Variants in NFIB observed in about 807,000 individuals in gnomAD.
NFIB encodes nuclear factor I B.
NFIB carries 11 observed loss-of-function variants against 61.5 expected under a neutral mutation model. The ratio of observed to expected loss-of-function variants is 0.18; its 90% confidence interval spans 0.11 to 0.30. The LOEUF (loss-of-function observed/expected upper bound fraction) is 0.30, where lower values mean the gene tolerates loss of function less well. NFIB is among the 10% of genes least tolerant of loss of function. The pLI is 1.00. For synonymous variants in NFIB, 260 were observed against 216.5 expected (o/e 1.20, Z -1.76); for missense variants, 471 against 608.9 (o/e 0.77, Z 2.38).
Position 14,082,955 on chromosome 9 carries a change from A to C in NFIB, c.*5354T>G, listed in dbSNP as rs547693210. On this transcript the variant is annotated 3_prime_UTR_variant, in exon 11 of 11. Coordinates refer to ENST00000380953, the MANE Select transcript of NFIB (RefSeq NM_001190737.2). Reference sequence around the variant, plus strand: ...GGCCACCTGTTGTTCCTGGTACTGTATCATGCAATAAGTCATCAAGGGCTT... The same window carrying C: ...GGCCACCTGTTGTTCCTGGTACTGTCTCATGCAATAAGTCATCAAGGGCTT... 2.4e-4 allele frequency: 50 copies of C among 206,712 alleles called. No homozygotes were observed. Among genetic ancestry groups the C allele is most frequent in the Non-Finnish European group, 4.8e-4 (49 of 101,096 alleles). The allele number at this position is 206,712 out of a possible 1,614,324, so 12.8% of individuals were successfully genotyped here. A position where few individuals can be genotyped will look rare whatever the true frequency, so the allele number is the denominator to read the frequency against.
At chr9:14,495,215 C>G in the NFIB span, among the ~76,000 whole-genome samples, 2 of 152,248 alleles carry the variant, frequency 1.3e-5, no homozygotes, top group Admixed American at 6.5e-5. Context: ...GTCACCCTCA[C>G]ACGTAGACCT....
chr9:14,158,224 C>T (rs528969559), intron 3 of NFIB, among the ~76,000 whole-genome samples: 1 of 152,174 alleles, frequency 6.6e-6, no homozygotes, highest in Non-Finnish European at 1.5e-5. Context: ...CCCAATTGTA[C>T]TTTGTAAATG....
At chr9:14,224,410 G>A (rs567897806) in intron 2 of NFIB, among the ~76,000 whole-genome samples, 12 of 152,262 alleles carry the variant, frequency 7.9e-5, no homozygotes, top group African/African-American at 2.9e-4. Context: ...AAGGTGTAGA[G>A]GATCACAGTT....
chr9:14,315,266 C>T (rs978165590), upstream of NFIB, among the ~76,000 whole-genome samples: 26 of 151,592 alleles, frequency 1.7e-4, no homozygotes, highest in Admixed American at 1.4e-3. Flanking sequence ...GAGGCAGTCG[C>T]GGCGCGCGGC....
Position 14,375,381 on chromosome 9 carries a change from G to A in NFIB, c.108+23143C>T, listed in dbSNP as rs1210532656. ...CCAGAAGTACCTGGGGACAGGGCCA[G>A]GTGCAGTGGCTCATGCCTGTAATCC... On this transcript the variant is annotated intron_variant, in intron 1 of 8. Transcript: ENST00000380934. Among the ~76,000 whole-genome samples, 3 of 152,220 alleles carry A rather than the reference G, an allele frequency of 2.0e-5. No homozygotes were observed. The East Asian group carries it at 5.8e-4, about 29-fold the overall frequency.
chr9:14,416,935 C>T, the NFIB span, among the ~76,000 whole-genome samples: 1 of 149,810 alleles, frequency 6.7e-6, no homozygotes, highest in Non-Finnish European at 1.5e-5. Flanking sequence ...CCCTGTTGCC[C>T]AGGCTGGAGT....
chr9:14,352,275 G>A (rs1419692448), intron 1 of NFIB, among the ~76,000 whole-genome samples: 1 of 151,296 alleles, frequency 6.6e-6, no homozygotes, highest in Non-Finnish European at 1.5e-5. Flanking sequence ...TTTTTTTGGT[G>A]ATGTATTTGT....
intron 1 of NFIB, among the ~76,000 whole-genome samples, chr9:14,372,179 A>G (rs2061365822): frequency 6.6e-6 from 1 of 152,120 alleles, no homozygotes; most frequent in Admixed American, 6.5e-5. Context: ...AGAAAATGAA[A>G]TAAAAATAGA....
the NFIB span, among the ~76,000 whole-genome samples, chr9:14,474,204 T>G: frequency 6.6e-6 from 1 of 151,892 alleles, no homozygotes; most frequent in Non-Finnish European, 1.5e-5. Context: ...AGAAATGTAT[T>G]TATCATAGTT....
At position 14,083,306 on chromosome 9, in the gene NFIB, G is replaced by A; in HGVS notation, c.*5003C>T. 1 of 226,058 alleles carries A rather than the reference G, an allele frequency of 4.4e-6. No homozygotes were observed. The highest frequency in any genetic ancestry group is 8.8e-6 in the Non-Finnish European group (1 of 113,254). The allele number at this position is 226,058 out of a possible 1,614,324, so 14.0% of individuals were successfully genotyped here. A position where few individuals can be genotyped will look rare whatever the true frequency, so the allele number is the denominator to read the frequency against. ...TCAAAGGGCAAAATCAGTGGTCCAT[G>A]TTACCCCCCAACTGCAGGGCTCCAC... On this transcript the variant is annotated 3_prime_UTR_variant, in exon 11 of 11. Coordinates refer to ENST00000380953, the MANE Select transcript of NFIB (RefSeq NM_001190737.2).
intron 1 of NFIB, among the ~76,000 whole-genome samples, chr9:14,395,656 T>C (rs1029203921): frequency 6.6e-6 from 1 of 151,428 alleles, no homozygotes; most frequent in Non-Finnish European, 1.5e-5. Context: ...GTGGTTGCCT[T>C]GCCACGCTAA....
At chr9:14,194,232 A>G (rs2048250426) in intron 2 of NFIB, among the ~76,000 whole-genome samples, 1 of 152,244 alleles carries the variant, frequency 6.6e-6, no homozygotes, top group Admixed American at 6.5e-5. Flanking sequence ...GTGGCCATGA[A>G]GTAAGTCTAG....
At chr9:14,273,099 T>C (rs1264120221) in intron 2 of NFIB, among the ~76,000 whole-genome samples, 1 of 152,158 alleles carries the variant, frequency 6.6e-6, no homozygotes, top group Non-Finnish European at 1.5e-5. Flanking sequence ...GATCACTCAT[T>C]AACGAGCCAG....
chr9:14,324,129 T>C (rs1054698282), intron 1 of NFIB, among the ~76,000 whole-genome samples: 1 of 152,190 alleles, frequency 6.6e-6, no homozygotes, highest in Non-Finnish European at 1.5e-5. Flanking sequence ...TAATTTTTAA[T>C]GTTTATCTTG....
intron 6 of NFIB, among the ~76,000 whole-genome samples, chr9:14,138,941 ATTTTG>A (rs1480846822): frequency 6.6e-6 from 1 of 151,946 alleles, no homozygotes; most frequent in Non-Finnish European, 1.5e-5. Flanking sequence ...CCATCTCAAA[ATTTTG>A]TTTTGAGAAT....
chr9:14,200,006 T>C (rs10810113), intron 2 of NFIB, among the ~76,000 whole-genome samples: 128,820 of 152,174 alleles, frequency 0.85, 54,809 homozygotes, highest in South Asian at 0.95. Flanking sequence ...AAATAAACTG[T>C]TCCTTACTGC....
chr9:14,478,958 T>A, the NFIB span, among the ~76,000 whole-genome samples: 1 of 152,236 alleles, frequency 6.6e-6, no homozygotes, highest in Admixed American at 6.5e-5. Context: ...AGGATATTTG[T>A]AAAGCCTTTT....
At chr9:14,321,874 G>A (rs1195086382) in intron 1 of NFIB, 2 of 1,230,846 alleles carry the variant, frequency 1.6e-6, no homozygotes, top group Non-Finnish European at 2.0e-6. Flanking sequence ...ACTGTGCCAG[G>A]GATAGGAGGG....
chr9:14,116,426 G>A (rs1385323264), intron 8 of NFIB, 80 bp from the exon 9 acceptor site: 17 of 1,343,498 alleles, frequency 1.3e-5, no homozygotes, highest in South Asian at 3.6e-5. Context: ...CAGCACACAC[G>A]ACTGTGTGGA....
Sources: gnomAD v4.1 joint callset for allele counts (sites outside exome capture counted in the v4.1 genomes callset) on GRCh38, gnomAD v4.1.1 for gene constraint, MANE v1.5 for transcripts, NCBI Gene and HGNC (gene_info 2026-07-23, HGNC 2026-07-21) for gene names.